Variants in ASB3 observed in about 807,000 individuals in gnomAD.
The protein encoded by ASB3 is ankyrin repeat and SOCS box containing 3, also known as ankyrin repeat and SOCS box protein 3.
A neutral mutation model predicts 54.5 loss-of-function variants in ASB3; 41 were observed. The ratio of observed to expected loss-of-function variants is 0.75; its 90% CI spans 0.59 to 0.98. The LOEUF is 0.98. Ranked by LOEUF, ASB3 falls within the 50% of genes least tolerant of loss-of-function variation. The probability of loss-of-function intolerance (pLI) is 0.00; values close to 1 mark genes in which losing one functional copy is unlikely to be tolerated. For missense variants in ASB3, 733 were observed against 620.0 expected, an observed-to-expected ratio of 1.18 and a Z score of -1.94; for synonymous variants, 266 against 221.2, an observed-to-expected ratio of 1.20 and a Z score of -1.80.
intron 3 of ASB3, among the ~76,000 whole-genome samples, chr2:53,730,277 C>A (rs1016937504): frequency 1.6e-4 from 25 of 152,148 alleles, no homozygotes; most frequent in African/African-American, 5.8e-4. Flanking sequence ...TACAAACACA[C>A]ACACACACCA....
chr2:53,708,473 A>G (rs1669911477), intron 7 of ASB3, among the ~76,000 whole-genome samples: 1 of 152,216 alleles, frequency 6.6e-6, no homozygotes, highest in African/African-American at 2.4e-5. Context: ...AATACAGAAA[A>G]TTGGCACTGA....
chr2:53,747,546 C>A (rs1019852657), intron 3 of ASB3, among the ~76,000 whole-genome samples: 1 of 152,270 alleles, frequency 6.6e-6, no homozygotes. Context: ...AAGAACAGTA[C>A]AGTCAAATAC....
intron 1 of ASB3, among the ~76,000 whole-genome samples, chr2:53,780,807 A>C (rs545785304): frequency 1.5e-4 from 23 of 152,266 alleles, no homozygotes; most frequent in South Asian, 4.1e-4. Context: ...ATAAAATACA[A>C]CCAGAATACA....
At chr2:53,710,951 C>A (rs960627913) in intron 7 of ASB3, among the ~76,000 whole-genome samples, 4 of 147,318 alleles carry the variant, frequency 2.7e-5, no homozygotes, top group African/African-American at 1.0e-4. Context: ...CACGGCAAAC[C>A]CTGTCTCTAC....
At chr2:53,688,680 A>G (rs1158130766) in intron 9 of ASB3, among the ~76,000 whole-genome samples, 3 of 152,082 alleles carry the variant, frequency 2.0e-5, no homozygotes, top group Non-Finnish European at 4.4e-5. Context: ...AAACTAACAC[A>G]GGAACAGAAA....
chr2:53,700,439 T>G lies in ASB3; in HGVS notation c.1070A>C (p.Lys357Thr). 6.2e-7 allele frequency: 1 copy of G among 1,614,110 alleles called. No homozygotes were observed. The highest frequency in any genetic ancestry group is 8.5e-7 in the Non-Finnish European group (1 of 1,179,994). ...CAAAAAGTAGCGAAATATCGAAAACTTCTCGTACTTCAGGCAGTATGCCAA... is the reference window on the plus strand; with the variant it reads ...CAAAAAGTAGCGAAATATCGAAAACGTCTCGTACTTCAGGCAGTATGCCAA... ...LHLAYCLKYE[K>T]FSIFRYFLRK... is the part of the protein sequence containing the mutation. The change falls in exon 8 of 10, where the codon AAG becomes ACG. Residue 357 changes from lysine (K) to threonine (T), a missense_variant. Physicochemically the swap from Lys to Thr is moderately conservative, Grantham distance 78. Transcript: ENST00000263634.
chr2:53,739,545 A>C (rs942445276), intron 3 of ASB3, among the ~76,000 whole-genome samples: 7 of 152,244 alleles, frequency 4.6e-5, no homozygotes, highest in African/African-American at 1.7e-4. Flanking sequence ...GCTTAATGTG[A>C]CTATGAGTTC....
chr2:53,735,999 A>G (rs1043386051), intron 3 of ASB3, among the ~76,000 whole-genome samples: 2 of 117,508 alleles, frequency 1.7e-5, no homozygotes, highest in Non-Finnish European at 3.3e-5. Context: ...CAAACCTTCT[A>G]AAAAAAAAAA....
intron 1 of ASB3, among the ~76,000 whole-genome samples, chr2:53,775,404 G>T (rs7586686): frequency 6.6e-6 from 1 of 151,702 alleles, no homozygotes; most frequent in African/African-American, 2.4e-5. Flanking sequence ...TGCAGCCTGC[G>T]TCTGGCCATC....
rs1208114836 is a variant in ASB3 at position 53,714,468 on chromosome 2, A to G, written c.896T>C (p.Leu299Ser). Reference protein sequence around the residue: ...FGGHEDCLEILLRNGYSPDAQ... With the variant: ...FGGHEDCLEISLRNGYSPDAQ... ...GTCTGGGCTGTAGCCATTCCGGAGT[A>G]ATATTTCTAGGCAATCTTCATGTCC... is the stretch of plus-strand genomic sequence containing the variant. The change falls in exon 7 of 10, where the codon TTA (leucine) becomes TCA (serine). Residue 299 changes from leucine (L) to serine (S), a missense_variant. Coordinates refer to ENST00000263634, the MANE Select transcript of ASB3 (RefSeq NM_016115.5). 1.2e-6 allele frequency: 2 copies of G among 1,614,244 alleles called. No individual in the cohort carries two copies. Among genetic ancestry groups the G allele is most frequent in the Non-Finnish European group, 1.7e-6 (2 of 1,180,026 alleles).
intron 9 of ASB3, among the ~76,000 whole-genome samples, chr2:53,690,438 C>T (rs916826017): frequency 6.6e-6 from 1 of 152,132 alleles, no homozygotes; most frequent in African/African-American, 2.4e-5. Flanking sequence ...ACTGCTTTTA[C>T]TGAATTGTAC....
chr2:53,733,734 G>A (rs1671455873), intron 3 of ASB3, among the ~76,000 whole-genome samples: 1 of 152,110 alleles, frequency 6.6e-6, no homozygotes, highest in Non-Finnish European at 1.5e-5. Context: ...GCTCGGTTGG[G>A]GAGACCCTAA....
At chr2:53,720,678 G>T (rs944510901) in intron 5 of ASB3, among the ~76,000 whole-genome samples, 2 of 152,118 alleles carry the variant, frequency 1.3e-5, no homozygotes, top group Non-Finnish European at 2.9e-5. Flanking sequence ...AGATCACTGA[G>T]GCAGAAAATT....
intron 3 of ASB3, among the ~76,000 whole-genome samples, chr2:53,743,164 CTTTTTTT>C (rs60857484): frequency 4.2e-5 from 5 of 117,860 alleles, no homozygotes; most frequent in Non-Finnish European, 7.1e-5. Flanking sequence ...ATTTTTTTAC[CTTTTTTT>C]TTTTTTTTTT....
chr2:53,731,542 T>C (rs544501190), intron 3 of ASB3, among the ~76,000 whole-genome samples: 2 of 152,320 alleles, frequency 1.3e-5, no homozygotes, highest in African/African-American at 4.8e-5. Context: ...GCATTTACCA[T>C]GGAAAAAACA....
At chr2:53,774,516 T>C (rs371086113) in intron 1 of ASB3, 141 of 1,536,202 alleles carry the variant, frequency 9.2e-5, no homozygotes, top group South Asian at 1.4e-4. Context: ...AGAACCTCAA[T>C]TGCATATAAT....
At chr2:53,676,971 G>T (rs1482809277) in intron 9 of ASB3, among the ~76,000 whole-genome samples, 1 of 152,064 alleles carries the variant, frequency 6.6e-6, no homozygotes, top group Non-Finnish European at 1.5e-5. Flanking sequence ...ATTTCGCCAT[G>T]TTGGCCAGGC....
intron 7 of ASB3, among the ~76,000 whole-genome samples, chr2:53,706,302 T>C (rs1385792340): frequency 1.3e-5 from 2 of 152,224 alleles, no homozygotes; most frequent in Non-Finnish European, 2.9e-5. Context: ...TATTGATTCA[T>C]TAATTCACAA....
chr2:53,697,769 T>C (rs923768199), intron 8 of ASB3, among the ~76,000 whole-genome samples: 2 of 152,190 alleles, frequency 1.3e-5, no homozygotes, highest in South Asian at 4.1e-4. Flanking sequence ...TAATCTTCCC[T>C]GACTCCACTT....
Sources: gnomAD v4.1 joint callset for allele counts (sites outside exome capture counted in the v4.1 genomes callset) on GRCh38, gnomAD v4.1.1 for gene constraint, MANE v1.5 for transcripts, NCBI Gene and HGNC (gene_info 2026-07-23, HGNC 2026-07-21) for gene names.